FGD4: variants seen among roughly 807,000 people sequenced by gnomAD.
The protein encoded by FGD4 is FYVE, RhoGEF and PH domain containing 4.
FGD4 carries 42 observed loss-of-function variants against 102.0 expected under a neutral mutation model. That is an observed-to-expected ratio of 0.41 (90% CI 0.32 to 0.53). The LOEUF is 0.53. Among genes scored for constraint, FGD4 ranks in the 20% least tolerant of loss-of-function variants. The probability of loss-of-function intolerance (pLI) is 0.21; values close to 1 mark genes in which losing one functional copy is unlikely to be tolerated. For missense variants in FGD4, 902 were observed against 1,078.2 expected (o/e 0.84, Z 2.29); for synonymous variants, 380 against 375.7 (o/e 1.01, Z -0.13).
intron 1 of FGD4, among the ~76,000 whole-genome samples, chr12:32,465,342 C>T (rs1051864295): frequency 4.6e-5 from 7 of 152,124 alleles, no homozygotes; most frequent in African/African-American, 1.7e-4. Flanking sequence ...TCACCTTTAA[C>T]AGCCACCACC....
intron 1 of FGD4, among the ~76,000 whole-genome samples, chr12:32,443,207 A>G (rs34968745): frequency 6.6e-6 from 1 of 152,206 alleles, no homozygotes; most frequent in East Asian, 1.9e-4. Flanking sequence ...AGACATAGGC[A>G]CAGTAACAGG....
intron 1 of FGD4, among the ~76,000 whole-genome samples, chr12:32,512,064 G>A (rs932754822): frequency 3.3e-5 from 5 of 151,862 alleles, no homozygotes; most frequent in Non-Finnish European, 5.9e-5. Context: ...TGTGTATATC[G>A]AAGTCTTTTT....
chr12:32,532,835 T>G (rs1464981740), intron 1 of FGD4, among the ~76,000 whole-genome samples: 1 of 152,206 alleles, frequency 6.6e-6, no homozygotes, highest in Non-Finnish European at 1.5e-5. Context: ...TCTTTGACTT[T>G]TTTCTCCATG....
At chr12:32,519,969 C>G (rs558549629) in intron 1 of FGD4, among the ~76,000 whole-genome samples, 15 of 151,888 alleles carry the variant, frequency 9.9e-5, no homozygotes, top group Middle Eastern at 3.2e-3. Flanking sequence ...AATAAAAAAT[C>G]TTTGAATAGT....
In FGD4 at chr12:32,427,165, G is replaced by A. The variant is rs193271387; in HGVS notation, c.166+27206G>A. Among the ~76,000 whole-genome samples, 162 of 151,892 alleles carry A rather than the reference G, an allele frequency of 1.1e-3. 3 individuals carry two copies. The Middle Eastern group carries it at 0.014, about 13-fold the overall frequency. ...CTTTTAATTGTGATTTTAGGGTGTC[G>A]ATTTTAGATCTTTCCCACTTTCTCC... On this transcript the variant is annotated intron_variant, in intron 1 of 16. Coordinates refer to ENST00000534526, the MANE Select transcript of FGD4 (RefSeq NM_001370298.3).
chr12:32,460,386 G>A (rs1248513518), intron 1 of FGD4, among the ~76,000 whole-genome samples: 3 of 151,898 alleles, frequency 2.0e-5, no homozygotes, highest in African/African-American at 4.8e-5. Context: ...GTGGTGGTGC[G>A]TGCCCGTAGC....
intron 14 of FGD4, among the ~76,000 whole-genome samples, chr12:32,627,376 G>A (rs758563002): frequency 2.0e-5 from 3 of 151,050 alleles, no homozygotes; most frequent in Non-Finnish European, 3.0e-5. Context: ...GGCTGGTCTC[G>A]AACTCCTGAC....
intron 8 of FGD4, among the ~76,000 whole-genome samples, chr12:32,610,416 A>G (rs771785230): frequency 6.6e-6 from 1 of 152,226 alleles, no homozygotes; most frequent in African/African-American, 2.4e-5. Flanking sequence ...TGTGCACTCA[A>G]TACAGGATCC....
chr12:32,530,211 G>A (rs1408383034), intron 1 of FGD4, among the ~76,000 whole-genome samples: 1 of 151,984 alleles, frequency 6.6e-6, no homozygotes, highest in African/African-American at 2.4e-5. Context: ...GGCTGGGCAT[G>A]GTGGCTCATG....
At chr12:32,425,401 C>T (rs1941795222) in intron 1 of FGD4, among the ~76,000 whole-genome samples, 1 of 152,142 alleles carries the variant, frequency 6.6e-6, no homozygotes, top group South Asian at 2.1e-4. Flanking sequence ...GGCGTTATTT[C>T]TGAGGTCTCT....
At chr12:32,450,384 T>G (rs560790748) in intron 1 of FGD4, among the ~76,000 whole-genome samples, 1 of 152,182 alleles carries the variant, frequency 6.6e-6, no homozygotes, top group African/African-American at 2.4e-5. Context: ...CTATTTTTTT[T>G]ATCACACTTT....
intron 4 of FGD4, among the ~76,000 whole-genome samples, chr12:32,585,228 A>ATATG (rs1313203199): frequency 2.7e-5 from 2 of 74,440 alleles, no homozygotes; most frequent in Non-Finnish European, 4.9e-5. Context: ...AATTTTATAT[A>ATATG]TATATATATA....
chr12:32,592,518 G>A (rs922778657), intron 4 of FGD4, among the ~76,000 whole-genome samples: 2 of 151,864 alleles, frequency 1.3e-5, no homozygotes, highest in Non-Finnish European at 1.5e-5. Flanking sequence ...ATGGTAAAGC[G>A]CTAAGCACAA....
chr12:32,640,327 A>G lies in FGD4; in HGVS notation c.2506A>G (p.Met836Val), dbSNP rs140220443. ...IPLLGYVVDE[M>V]PRSADLPHSF... ...ACTTCTGGGCTATGTGGTGGATGAA[A>G]TGCCAAGGAGCGCAGACCTGCCACA... The change falls in exon 17 of 17, where the codon ATG becomes GTG. Residue 836 changes from methionine to valine, a missense_variant. Around this residue, in one of 2 missense-constraint regions of FGD4, gnomAD observed 459 missense variants for 619.0 expected, o/e 0.74. Transcript: ENST00000534526. The G allele has an allele frequency of 8.1e-5, 131 of 1,614,188 alleles. No homozygotes were observed. Among genetic ancestry groups the G allele is most frequent in the Middle Eastern group, 1.7e-4 (1 of 6,060 alleles).
At position 32,640,834 on chromosome 12, in the gene FGD4, A is replaced by G. The variant is rs764516831; in HGVS notation, c.*301A>G. On this transcript the variant is annotated 3_prime_UTR_variant, in exon 17 of 17. Coordinates refer to ENST00000534526, the MANE Select transcript of FGD4 (RefSeq NM_001370298.3). Reference sequence around the variant, plus strand: ...TTGATTCTGTCACCGTCAGGTTAGAATGAGCACTTCCATTTAAGAAATCCT... The same window carrying G: ...TTGATTCTGTCACCGTCAGGTTAGAGTGAGCACTTCCATTTAAGAAATCCT... 10 of 583,678 alleles carry G rather than the reference A, an allele frequency of 1.7e-5. No homozygotes were observed. The highest frequency in any genetic ancestry group is 3.0e-5 in the Non-Finnish European group (10 of 329,508). The allele number at this position is 583,678 out of a possible 1,614,324, so 36.2% of individuals were successfully genotyped here.
chr12:32,430,578 T>C (rs2728680), intron 1 of FGD4, among the ~76,000 whole-genome samples: 59,722 of 151,910 alleles, frequency 0.39, 12,316 homozygotes, highest in African/African-American at 0.5. Flanking sequence ...TTCATTCCTC[T>C]TTTACTCTAT....
intron 1 of FGD4, chr12:32,556,832 T>G (rs762388809): frequency 6.6e-6 from 1 of 152,148 alleles, no homozygotes; most frequent in Non-Finnish European, 1.5e-5. Context: ...TGAACATGGA[T>G]GTACAAATGT....
At chr12:32,590,618 T>C (rs1947396869) in intron 4 of FGD4, among the ~76,000 whole-genome samples, 1 of 152,184 alleles carries the variant, frequency 6.6e-6, no homozygotes. Context: ...TCCTGGCTCA[T>C]TCGCTTACTA....
intron 2 of FGD4, 47 bp from the exon 3 acceptor site, chr12:32,576,219 T>C (rs1946116088): frequency 9.8e-6 from 15 of 1,536,820 alleles, no homozygotes; most frequent in African/African-American, 1.4e-5. Flanking sequence ...TTTATTGTTA[T>C]TGAACAAAAT....
Sources: gnomAD v4.1 joint callset for allele counts (sites outside exome capture counted in the v4.1 genomes callset) on GRCh38, gnomAD v4.1.1 for gene constraint, gnomAD v4.1.1 regional missense constraint, MANE v1.5 for transcripts, NCBI Gene and HGNC (gene_info 2026-07-23, HGNC 2026-07-21) for gene names.